The following DKK1 variants were observed in gnomAD, a reference collection of about 807,000 sequenced individuals.
The protein encoded by DKK1 is dickkopf Wnt signaling pathway inhibitor 1, also known as dickkopf-related protein 1.
DKK1 carries 18 observed loss-of-function variants against 26.0 expected under a neutral mutation model. The observed-to-expected ratio is 0.69, with a 90% CI of 0.48 to 1.03. The LOEUF (loss-of-function observed/expected upper bound fraction) is 1.03. DKK1 is among the 50% of genes least tolerant of loss of function. The pLI is 0.00. For synonymous variants in DKK1, 130 were observed against 132.6 expected, an observed-to-expected ratio of 0.98 and a Z score of 0.13; for missense variants, 335 against 348.5, an observed-to-expected ratio of 0.96 and a Z score of 0.31.
rs1842623663 is a variant in DKK1 at position 52,316,981 on chromosome 10, C to T, written c.*174C>T. The T allele has an allele frequency of 1.5e-6, 1 of 653,678 alleles. No individual in the cohort carries two copies. Among genetic ancestry groups the T allele is most frequent in the Non-Finnish European group, 2.6e-6 (1 of 390,238 alleles). The allele number at this position is 653,678 out of a possible 1,614,324, so 40.5% of individuals were successfully genotyped here. A position where few individuals can be genotyped will look rare whatever the true frequency, so the allele number is the denominator to read the frequency against. The stretch of plus-strand genomic sequence containing the variant: ...AGAGCTTTGTTTCTTTATGGAACTC[C>T]CCTGTGATTGCAGTAAATTACTGTA... On this transcript the variant is annotated 3_prime_UTR_variant, in exon 4 of 4. Coordinates refer to ENST00000373970, the MANE Select transcript of DKK1 (RefSeq NM_012242.4).
rs200744428 is a variant in DKK1, at chr10:52,314,385, C to A, written c.-50C>A. 1,879 of 1,606,158 alleles carry A rather than the reference C, an allele frequency of 1.2e-3. 5 individuals are homozygous for A. The highest frequency in any genetic ancestry group is 1.5e-3 in the Non-Finnish European group (1,809 of 1,175,816). ...ACGGTTTCGTGGGGACCCAGGCTTGCAAAGTGACGGTCATTTTCTCTTTCT... is the reference window on the plus strand; with the variant it reads ...ACGGTTTCGTGGGGACCCAGGCTTGAAAAGTGACGGTCATTTTCTCTTTCT... On this transcript the variant is annotated 5_prime_UTR_variant, in exon 1 of 4. Coordinates refer to ENST00000373970, the MANE Select transcript of DKK1 (RefSeq NM_012242.4). The surrounding 1 kb of genome is among the most constrained non-coding windows in gnomAD (Gnocchi z 5.7).
Position 52,316,832 on chromosome 10 carries a change from T to G in DKK1, c.*25T>G. 1 of 1,609,074 alleles carries G rather than the reference T, an allele frequency of 6.2e-7. No homozygotes were observed. The highest frequency in any genetic ancestry group is 1.7e-5 in the Admixed American group (1 of 59,300). Reference sequence around the variant, plus strand: ...AACCAGCTATCCAAATGCAGTGAACTCCTTTTATATAATAGATGCTATGAA... The same window carrying G: ...AACCAGCTATCCAAATGCAGTGAACGCCTTTTATATAATAGATGCTATGAA... On this transcript the variant is annotated 3_prime_UTR_variant, in exon 4 of 4. Coordinates refer to ENST00000373970, the MANE Select transcript of DKK1 (RefSeq NM_012242.4).
intron 2 of DKK1, chr10:52,315,442 A>G: frequency 4.9e-6 from 1 of 202,412 alleles, no homozygotes; most frequent in Non-Finnish European, 9.8e-6. Flanking sequence ...CGATGGGATC[A>G]TACAGATATC....
rs527963973 is a variant in DKK1 at position 52,314,539 on chromosome 10, G to C, written c.105G>C (p.Ser35=). 1.2e-6 allele frequency: 2 copies of C among 1,613,662 alleles called. No homozygotes were observed. The highest frequency in any genetic ancestry group is 1.7e-6 in the Non-Finnish European group (2 of 1,180,006). The change falls in exon 1 of 4, where the codon TCG becomes TCC. Residue 35 remains serine (S), a synonymous_variant. Coordinates refer to ENST00000373970, the MANE Select transcript of DKK1 (RefSeq NM_012242.4). The surrounding 1 kb of genome is among the most constrained non-coding windows in gnomAD (Gnocchi z 5.7). ...TGGGAGTGAGCGCCACCTTGAACTC[G>C]GTTCTCAATTCCAACGCTATCAAGA... ...PLLGVSATLN[S]VLNSNAIKNL...
chr10:52,314,378 A>T lies in DKK1; in HGVS notation c.-57A>T. The T allele has an allele frequency of 6.2e-7, 1 of 1,602,420 alleles. No individual in the cohort carries two copies. The highest frequency in any genetic ancestry group is 8.5e-7 in the Non-Finnish European group (1 of 1,174,090). On this transcript the variant is annotated 5_prime_UTR_variant, in exon 1 of 4. Coordinates refer to ENST00000373970, the MANE Select transcript of DKK1 (RefSeq NM_012242.4). The surrounding 1 kb of genome is among the most constrained non-coding windows in gnomAD (Gnocchi z 5.7). ...AACCGGCACGGTTTCGTGGGGACCC[A>T]GGCTTGCAAAGTGACGGTCATTTTC...
intron 2 of DKK1, among the ~76,000 whole-genome samples, chr10:52,315,856 G>A (rs1367763191): frequency 6.6e-6 from 1 of 152,196 alleles, no homozygotes; most frequent in Non-Finnish European, 1.5e-5. Context: ...GTAACTGGCC[G>A]GTGAGATTGC....
rs987770662 is a variant in DKK1 at position 52,314,465 on chromosome 10, C to T, written c.31C>T (p.Arg11Trp). 2 of 1,613,878 alleles carry T rather than the reference C, an allele frequency of 1.2e-6. No homozygotes were observed. The highest frequency in any genetic ancestry group is 1.7e-5 in the Admixed American group (1 of 60,000). MMALGAAGAT[R>W]VFVAMVAAAL... ...GGCTCTGGGCGCAGCGGGAGCTACC[C>T]GGGTCTTTGTCGCGATGGTAGCGGC... The change falls in exon 1 of 4, where the codon CGG becomes TGG. Residue 11 changes from arginine to tryptophan, a missense_variant. Physicochemically the swap from Arg to Trp is moderately radical, Grantham distance 101. Transcript: ENST00000373970. This position sits in a 1 kb window ranked among gnomAD's most constrained non-coding sequence, Gnocchi z 5.7.
chr10:52,316,134 T>G (rs959611946), intron 2 of DKK1, among the ~76,000 whole-genome samples, 161 bp from the exon 3 acceptor site: 9 of 152,214 alleles, frequency 5.9e-5, no homozygotes, highest in Non-Finnish European at 1.3e-4. Flanking sequence ...TCTGGAGAGT[T>G]TTGCATTAAC....
In DKK1 at chr10:52,314,986, G is replaced by T; in HGVS notation, c.307G>T (p.Gly103Ter). The change falls in exon 2 of 4, where the codon GGA (glycine) becomes TGA (stop). Residue 103 changes from glycine (G) to a stop codon, truncating the protein, a stop_gained. Transcript: ENST00000373970. LOFTEE classifies it high-confidence loss of function. This position sits in a 1 kb window ranked among gnomAD's most constrained non-coding sequence, Gnocchi z 5.7. ...TDEYCASPTR[G>*]GDAGVQICLA... ...TGAGTACTGCGCTAGTCCCACCCGC[G>T]GAGGGGACGCAGGCGTGCAAATCTG... The T allele has an allele frequency of 6.2e-7, 1 of 1,603,524 alleles. No homozygotes were observed. Among genetic ancestry groups the T allele is most frequent in the Non-Finnish European group, 8.5e-7 (1 of 1,172,624 alleles).
At position 52,316,641 on chromosome 10, in the gene DKK1, C is replaced by G. The variant is rs745674222; in HGVS notation, c.635C>G (p.Pro212Arg). 6.2e-7 allele frequency: 1 copy of G among 1,614,118 alleles called. No homozygotes were observed. ...CACTTCTGGTCCAAGATCTGTAAAC[C>G]TGTCCTGAAAGAAGGTCAAGTGTGT... ...ARHFWSKICK[P>R]VLKEGQVCTK... Residue 212 changes from proline to arginine, a missense_variant, in exon 4 of 4, where the codon CCT becomes CGT. Transcript: ENST00000373970.
intron 2 of DKK1, among the ~76,000 whole-genome samples, chr10:52,315,559 C>A (rs182248210): frequency 6.6e-6 from 1 of 152,300 alleles, no homozygotes; most frequent in East Asian, 1.9e-4. Context: ...AAACTGTTGT[C>A]AGCCAGAGGA....
chr10:52,314,817 G>C lies in DKK1; in HGVS notation c.244-106G>C. 2 of 1,482,162 alleles carry C rather than the reference G, an allele frequency of 1.3e-6. No individual in the cohort carries two copies. The highest frequency in any genetic ancestry group is 1.8e-6 in the Non-Finnish European group (2 of 1,112,804). 91.8% of individuals were successfully genotyped at this position (1,482,162 alleles called of 1,614,324 possible). ...ATTTGGGAGCAGTGGGCAGTAACAG[G>C]TTTTGGAGAGGTGGACAGATAAGGA... is the stretch of plus-strand genomic sequence containing the variant. On this transcript the variant is annotated intron_variant, in intron 1 of 3. Transcript: ENST00000373970. The surrounding 1 kb of genome is among the most constrained non-coding windows in gnomAD (Gnocchi z 5.7).
At chr10:52,315,244 G>A (rs902409319) in intron 2 of DKK1, 159 bp downstream of exon 2, 1 of 641,390 alleles carries the variant, frequency 1.6e-6, no homozygotes, top group Non-Finnish European at 2.3e-6. Flanking sequence ...GCAGGATTCC[G>A]CTGAAGTATC....
Position 52,315,826 on chromosome 10 carries a change from T to C in DKK1, c.407-469T>C, listed in dbSNP as rs188982110. 2.5e-3 allele frequency among the ~76,000 whole-genome samples: 388 copies of C among 152,302 alleles called. 2 individuals carry two copies. The highest frequency in any genetic ancestry group is 8.8e-3 in the African/African-American group (365 of 41,568). ...GGATGAACTAAGTAAATCTCTGTAA[T>C]ATAGAAATTACACAGTAAAGTAACT... On this transcript the variant is annotated intron_variant, in intron 2 of 3. Transcript: ENST00000373970.
In DKK1 at chr10:52,314,750, G is replaced by A. The variant is rs1437108940; in HGVS notation, c.243+73G>A. The A allele has an allele frequency of 6.4e-7, 1 of 1,573,682 alleles. No individual in the cohort carries two copies. Reference sequence around the variant, plus strand: ...CTATCTGGAGACGAGGGAGTAGAACGTGCTGAATGTGTGCGGTTCAGGGAG... The same window carrying A: ...CTATCTGGAGACGAGGGAGTAGAACATGCTGAATGTGTGCGGTTCAGGGAG... On this transcript the variant is annotated intron_variant, in intron 1 of 3. Transcript: ENST00000373970. The surrounding 1 kb of genome is among the most constrained non-coding windows in gnomAD (Gnocchi z 5.7).
Position 52,316,603 on chromosome 10 carries a change from G to T in DKK1, c.597G>T (p.Leu199Phe). The part of the protein sequence containing the change: ...CLRSSDCASG[L>F]CCARHFWSKI... ...GGTCATCAGACTGTGCCTCAGGATT[G>T]TGTTGTGCTAGACACTTCTGGTCCA... Residue 199 changes from leucine (L) to phenylalanine (F), a missense_variant, in exon 4 of 4, where the codon TTG (leucine) becomes TTT (phenylalanine). Transcript: ENST00000373970. 6.2e-7 allele frequency: 1 copy of T among 1,614,088 alleles called. No individual in the cohort carries two copies. The highest frequency in any genetic ancestry group is 8.5e-7 in the Non-Finnish European group (1 of 1,180,020).
Position 52,316,284 on chromosome 10 carries a change from T to C in DKK1, c.407-11T>C. 1 of 1,613,778 alleles carries C rather than the reference T, an allele frequency of 6.2e-7. No homozygotes were observed. Among genetic ancestry groups the C allele is most frequent in the African/African-American group, 1.3e-5 (1 of 75,048 alleles). On this transcript the variant is annotated splice_polypyrimidine_tract_variant and intron_variant, in intron 2 of 3. Transcript: ENST00000373970. Reference sequence around the variant, plus strand: ...AACCCTGAAGTTAATCACTATTTCCTGCTTCCTTAGGAATATGTGTGTCTT... The same window carrying C: ...AACCCTGAAGTTAATCACTATTTCCCGCTTCCTTAGGAATATGTGTGTCTT...
chr10:52,314,312 C>G lies in DKK1; in HGVS notation c.-123C>G. Reference sequence around the variant, plus strand: ...CTCTGTGCTCCCTGCAGTCAGGACTCTGGGACCGCAGGGGGCTCCCGGACC... The same window carrying G: ...CTCTGTGCTCCCTGCAGTCAGGACTGTGGGACCGCAGGGGGCTCCCGGACC... On this transcript the variant is annotated 5_prime_UTR_variant, in exon 1 of 4. Coordinates refer to ENST00000373970, the MANE Select transcript of DKK1 (RefSeq NM_012242.4). This position sits in a 1 kb window ranked among gnomAD's most constrained non-coding sequence, Gnocchi z 5.7. The G allele has an allele frequency of 6.9e-7, 1 of 1,454,712 alleles. No individual in the cohort carries two copies. The highest frequency in any genetic ancestry group is 1.3e-5 in the South Asian group (1 of 76,848). The allele number at this position is 1,454,712 out of a possible 1,614,324, so 90.1% of individuals were successfully genotyped here.
At position 52,314,734 on chromosome 10, in the gene DKK1, G is replaced by A; in HGVS notation, c.243+57G>A. ...TGACCTTGAAAGGGTCCTATCTGGAGACGAGGGAGTAGAACGTGCTGAATG... is the reference window on the plus strand; with the variant it reads ...TGACCTTGAAAGGGTCCTATCTGGAAACGAGGGAGTAGAACGTGCTGAATG... On this transcript the variant is annotated intron_variant, in intron 1 of 3. Transcript: ENST00000373970. This position sits in a 1 kb window ranked among gnomAD's most constrained non-coding sequence, Gnocchi z 5.7. 1.9e-6 allele frequency: 3 copies of A among 1,590,682 alleles called. No homozygotes were observed. The highest frequency in any genetic ancestry group is 2.6e-6 in the Non-Finnish European group (3 of 1,167,244).
Sources: allele counts gnomAD v4.1 joint callset (sites outside exome capture counted in the v4.1 genomes callset), GRCh38; gene constraint gnomAD v4.1.1; non-coding constraint Gnocchi (gnomAD v3.1); transcripts MANE v1.5; gene names NCBI Gene and HGNC (gene_info 2026-07-23, HGNC 2026-07-21).